OSBPL10: variants seen among roughly 807,000 people sequenced by gnomAD.
OSBPL10 encodes the protein oxysterol-binding protein-related protein 10.
In OSBPL10, 49 loss-of-function variants were observed where a neutral mutation model predicts 81.7. That is an observed-to-expected ratio of 0.60 (90% confidence interval 0.48 to 0.76). The LOEUF is 0.76. Among genes scored for constraint, OSBPL10 ranks in the 30% least tolerant of loss-of-function variants. OSBPL10 has a pLI of 0.00. For synonymous variants in OSBPL10, 419 were observed against 383.6 expected, an observed-to-expected ratio of 1.09 and a Z score of -1.08; for missense variants, 923 against 987.8, an observed-to-expected ratio of 0.93 and a Z score of 0.88.
intron 2 of OSBPL10, among the ~76,000 whole-genome samples, chr3:32,002,186 G>T (rs527317788): frequency 2.2e-4 from 34 of 152,220 alleles, no homozygotes; most frequent in African/African-American, 7.9e-4. Flanking sequence ...CCATTCAACA[G>T]AAATTGCTTC....
At chr3:31,761,554 C>T (rs1365335037) in intron 4 of OSBPL10, among the ~76,000 whole-genome samples, 4 of 151,410 alleles carry the variant, frequency 2.6e-5, no homozygotes, top group African/African-American at 4.9e-5. Context: ...TGGTGGCTCA[C>T]GCCTGTAATC....
At chr3:31,873,871 T>C (rs9816424) in intron 3 of OSBPL10, among the ~76,000 whole-genome samples, 4,688 of 152,318 alleles carry the variant, frequency 0.031, 231 homozygotes, top group African/African-American at 0.11. Flanking sequence ...ATGCTGTCAC[T>C]GAATAATAAG....
chr3:31,882,932 C>A (rs1695627238), intron 1 of OSBPL10, among the ~76,000 whole-genome samples: 1 of 152,176 alleles, frequency 6.6e-6, no homozygotes, highest in Non-Finnish European at 1.5e-5. Flanking sequence ...TGCCCCTATT[C>A]TTTAATGTGG....
chr3:32,018,523 A>G (rs1699335022), intron 2 of OSBPL10, among the ~76,000 whole-genome samples: 1 of 152,226 alleles, frequency 6.6e-6, no homozygotes, highest in African/African-American at 2.4e-5. Context: ...CCACACTGGA[A>G]AAAAGTTTAC....
intron 2 of OSBPL10, among the ~76,000 whole-genome samples, chr3:31,878,369 G>A (rs567010928): frequency 3.3e-5 from 5 of 152,316 alleles, no homozygotes; most frequent in African/African-American, 7.2e-5. Flanking sequence ...ATGGCAAAGC[G>A]AAGCCAAGGA....
intron 4 of OSBPL10, among the ~76,000 whole-genome samples, chr3:31,771,420 A>G (rs752461249): frequency 1.3e-5 from 2 of 152,026 alleles, no homozygotes; most frequent in African/African-American, 2.4e-5. Flanking sequence ...AATGTCACAA[A>G]CACCCACCAA....
intron 3 of OSBPL10, among the ~76,000 whole-genome samples, chr3:31,855,718 C>T (rs903511856): frequency 6.6e-6 from 1 of 152,162 alleles, no homozygotes; most frequent in African/African-American, 2.4e-5. Flanking sequence ...TCTTCTAAGC[C>T]TTTCCTCCAA....
At chr3:31,822,600 T>C (rs998065119) in intron 4 of OSBPL10, among the ~76,000 whole-genome samples, 18 of 152,060 alleles carry the variant, frequency 1.2e-4, no homozygotes, top group Non-Finnish European at 7.4e-5. Flanking sequence ...TTAAAAACTA[T>C]TGTAATAACT....
At chr3:31,889,923 T>A (rs1475745960) in intron 1 of OSBPL10, among the ~76,000 whole-genome samples, 1 of 152,064 alleles carries the variant, frequency 6.6e-6, no homozygotes, top group Non-Finnish European at 1.5e-5. Flanking sequence ...ATATGTACAA[T>A]TATGTGTCAA....
At chr3:31,709,036 T>C (rs1280714151) in intron 6 of OSBPL10, 1 of 985,394 alleles carries the variant, frequency 1.0e-6, no homozygotes, top group East Asian at 1.1e-4. Flanking sequence ...CCGGCGAATT[T>C]AGGGGACCTT....
At chr3:31,727,123 A>C (rs1005330054) in intron 6 of OSBPL10, among the ~76,000 whole-genome samples, 1 of 152,228 alleles carries the variant, frequency 6.6e-6, no homozygotes, top group Non-Finnish European at 1.5e-5. Flanking sequence ...ATAAGCCACC[A>C]TACCCAGGCT....
chr3:31,895,210 T>G (rs1696019177), intron 1 of OSBPL10, among the ~76,000 whole-genome samples: 1 of 147,110 alleles, frequency 6.8e-6, no homozygotes, highest in African/African-American at 2.5e-5. Context: ...CTCGGTTCAC[T>G]GCTAGCTGTC....
At position 31,944,833 on chromosome 3, in the gene OSBPL10, TAAAAA is replaced by T. The variant is rs869140991; in HGVS notation, c.281+36061_281+36065del. On this transcript the variant is annotated intron_variant, in intron 1 of 11. Transcript: ENST00000396556. ...GCAACAGAGCAAGACCCCCTCTCTT[TAAAAA>T]AAAAAAAAAAAAAAAAAAAAAAAAA... Among the ~76,000 whole-genome samples, 238 of 54,966 alleles carry T rather than the reference TAAAAA, an allele frequency of 4.3e-3. 5 individuals carry two copies. The highest frequency in any genetic ancestry group is 0.031 in the East Asian group (32 of 1,048). The allele number at this position is 54,966 out of a possible 152,430, so 36.1% of individuals were successfully genotyped here.
At chr3:31,980,569 C>T (rs2125505792) in intron 1 of OSBPL10, among the ~76,000 whole-genome samples, 1 of 147,564 alleles carries the variant, frequency 6.8e-6, no homozygotes, top group Non-Finnish European at 1.5e-5. Flanking sequence ...TGCGGGAAAC[C>T]GCGGACAAGC....
At chr3:32,014,053 C>T (rs1354166133) in intron 2 of OSBPL10, among the ~76,000 whole-genome samples, 1 of 152,152 alleles carries the variant, frequency 6.6e-6, no homozygotes, top group African/African-American at 2.4e-5. Flanking sequence ...TGAAACTATT[C>T]CAATCAATAG....
At chr3:31,887,211 C>G (rs1018348553) in intron 1 of OSBPL10, among the ~76,000 whole-genome samples, 1 of 152,172 alleles carries the variant, frequency 6.6e-6, no homozygotes, top group African/African-American at 2.4e-5. Flanking sequence ...ACATCTAAAG[C>G]TTCACCATCT....
At chr3:31,889,440 T>A (rs1297750152) in intron 1 of OSBPL10, among the ~76,000 whole-genome samples, 1 of 152,176 alleles carries the variant, frequency 6.6e-6, no homozygotes, top group Non-Finnish European at 1.5e-5. Flanking sequence ...AAATGTGGTC[T>A]ATATACACAA....
rs1184689813 is a variant in OSBPL10, at chr3:31,813,746, C to T, written c.729+16294G>A. Reference sequence around the variant, plus strand: ...CCTGGCTCAAATTCCAGCCTGGCTGCTCCCACCTGCCATGAGCCTGAGCAT... The same window carrying T: ...CCTGGCTCAAATTCCAGCCTGGCTGTTCCCACCTGCCATGAGCCTGAGCAT... On this transcript the variant is annotated intron_variant, in intron 4 of 11. Coordinates refer to ENST00000396556, the MANE Select transcript of OSBPL10 (RefSeq NM_017784.5). Among the ~76,000 whole-genome samples the T allele has an allele frequency of 2.6e-5, 4 of 152,178 alleles. No individual in the cohort carries two copies. In the East Asian group the frequency reaches 7.7e-4, roughly 29 times the overall value.
At chr3:31,664,319 G>T in intron 10 of OSBPL10, 87 bp from the exon 11 acceptor site, 1 of 1,421,146 alleles carries the variant, frequency 7.0e-7, no homozygotes, top group Non-Finnish European at 9.7e-7. Context: ...CCAGAGCAGC[G>T]AGGGGCCGCC....
Sources: gnomAD v4.1 joint callset for allele counts (sites outside exome capture counted in the v4.1 genomes callset) on GRCh38, gnomAD v4.1.1 for gene constraint, MANE v1.5 for transcripts, NCBI Gene and HGNC (gene_info 2026-07-23, HGNC 2026-07-21) for gene names.